Variants in ACOX3 observed in about 807,000 individuals in gnomAD.
The protein encoded by ACOX3 is acyl-CoA oxidase 3, pristanoyl.
ACOX3 carries 73 observed loss-of-function variants against 81.5 expected under a neutral mutation model. That is an observed-to-expected ratio of 0.90 (90% CI 0.74 to 1.09). The LOEUF is 1.09. Ranked by LOEUF, ACOX3 falls within the 50% of genes least tolerant of loss-of-function variation. The pLI is 0.00. For missense variants in ACOX3, 947 were observed against 928.0 expected, an observed-to-expected ratio of 1.02 and a Z score of -0.27; for synonymous variants, 387 against 375.1, an observed-to-expected ratio of 1.03 and a Z score of -0.37.
the ACOX3 span, chr4:8,358,289 T>C: frequency 6.6e-6 from 1 of 152,146 alleles, no homozygotes; most frequent in Admixed American, 6.5e-5. Flanking sequence ...ATAAGAGACA[T>C]GCACATCTAT....
intron 1 of ACOX3, among the ~76,000 whole-genome samples, chr4:8,433,534 T>A (rs1285999701): frequency 6.6e-6 from 1 of 152,232 alleles, no homozygotes; most frequent in African/African-American, 2.4e-5. Flanking sequence ...ATGGAAGCCC[T>A]GGAAAACTAA....
intron 14 of ACOX3, among the ~76,000 whole-genome samples, chr4:8,380,109 T>C (rs1466774875): frequency 6.6e-6 from 1 of 152,078 alleles, no homozygotes; most frequent in African/African-American, 2.4e-5. Flanking sequence ...TTGGTCACCA[T>C]GGCCCTAAAC....
chr4:8,374,021 C>T (rs1313795620), intron 15 of ACOX3: 24 of 167,760 alleles, frequency 1.4e-4, no homozygotes, highest in Non-Finnish European at 2.5e-4. Context: ...GGCGCAGGGG[C>T]GAGGGGGTGC....
intron 6 of ACOX3, among the ~76,000 whole-genome samples, chr4:8,409,272 G>A (rs1721408042): frequency 6.6e-6 from 1 of 152,234 alleles, no homozygotes; most frequent in Admixed American, 6.5e-5. Flanking sequence ...CTGTGGCCAG[G>A]AGCCTTGGCC....
At chr4:8,421,140 G>C (rs761585011) in intron 1 of ACOX3, among the ~76,000 whole-genome samples, 4 of 152,214 alleles carry the variant, frequency 2.6e-5, no homozygotes, top group Admixed American at 6.5e-5. Flanking sequence ...TGCTGGGCTC[G>C]TATGGGGATT....
chr4:8,383,225 G>A (rs1300460197), intron 13 of ACOX3, among the ~76,000 whole-genome samples: 1 of 152,234 alleles, frequency 6.6e-6, no homozygotes, highest in Non-Finnish European at 1.5e-5. Context: ...GCAGGGCACA[G>A]GCAGGGTTGG....
rs188691647 is a variant in ACOX3, at chr4:8,375,002, G to A, written c.1804C>T (p.Arg602Cys). The stretch of plus-strand genomic sequence containing the variant: ...CCTCGGTAGAGCAGGGCCGCGTGGC[G>A]GCTCAGGGACCACAGGGCGTACAGA... The part of the protein sequence containing the change: ...SALYALWSLS[R>C]HAALLYRGGY... The change falls in exon 15 of 18, where the codon CGC becomes TGC. Residue 602 changes from arginine (R) to cysteine (C), a missense_variant. By Grantham distance (180) the Arg-to-Cys change is radical. Transcript: ENST00000356406. The A allele has an allele frequency of 1.3e-4, 192 of 1,534,210 alleles. No homozygotes were observed. In the African/African-American group the frequency reaches 2.3e-3, roughly 18 times the overall value.
intron 1 of ACOX3, among the ~76,000 whole-genome samples, chr4:8,426,168 A>G (rs925230944): frequency 2.6e-5 from 4 of 152,252 alleles, no homozygotes; most frequent in African/African-American, 7.2e-5. Context: ...TTAGCCAAAT[A>G]TCAACAAGTT....
intron 6 of ACOX3, among the ~76,000 whole-genome samples, chr4:8,409,323 T>C (rs1042722917): frequency 1.3e-5 from 2 of 152,156 alleles, no homozygotes; most frequent in African/African-American, 2.4e-5. Flanking sequence ...TTGGGCTGGA[T>C]GTTTCTTTCT....
chr4:8,372,432 C>T (rs1183399592), intron 16 of ACOX3, among the ~76,000 whole-genome samples: 2 of 152,142 alleles, frequency 1.3e-5, no homozygotes, highest in Non-Finnish European at 2.9e-5. Flanking sequence ...CCGCTATGCC[C>T]CCCTCTCTGG....
In ACOX3 at chr4:8,382,791, G is replaced by A. The variant is rs1717839924; in HGVS notation, c.1538-1184C>T. 6.6e-6 allele frequency among the ~76,000 whole-genome samples: 1 copy of A among 152,138 alleles called. No individual in the cohort carries two copies. Among genetic ancestry groups the A allele is most frequent in the African/African-American group, 2.4e-5 (1 of 41,522 alleles). Reference sequence around the variant, plus strand: ...GCGGATCACGAGGTCAGGAGATCGAGACCATCCTGGCTAACACGGTGAAAC... The same window carrying A: ...GCGGATCACGAGGTCAGGAGATCGAAACCATCCTGGCTAACACGGTGAAAC... On this transcript the variant is annotated intron_variant, in intron 13 of 17. Transcript: ENST00000356406. This position sits in a 1 kb window ranked among gnomAD's most constrained non-coding sequence, Gnocchi z 4.1.
intron 15 of ACOX3, 197 bp downstream of exon 15, chr4:8,374,781 C>T (rs1716707384): frequency 1.8e-6 from 1 of 556,650 alleles, no homozygotes; most frequent in Non-Finnish European, 2.8e-6. Context: ...AATTGGGTTT[C>T]TCGGCACCAC....
At position 8,399,654 on chromosome 4, in the gene ACOX3, T is replaced by C. The variant is rs762943030; in HGVS notation, c.777-2A>G. The C allele has an allele frequency of 1.2e-6, 2 of 1,613,724 alleles. No individual in the cohort carries two copies. The highest frequency in any genetic ancestry group is 1.7e-6 in the Non-Finnish European group (2 of 1,179,646). ...CTGACCTTGTGGAACATGGCGAAAC[T>C]GTGGGGAAGCAGCAGGGCTTCTGTT... On this transcript the variant is annotated splice_acceptor_variant, in intron 7 of 17. Transcript: ENST00000356406. LOFTEE classifies it high-confidence loss of function. The surrounding 1 kb of genome is among the most constrained non-coding windows in gnomAD (Gnocchi z 4.9).
chr4:8,365,588 G>C (rs1002909850), downstream of ACOX3, among the ~76,000 whole-genome samples: 2 of 152,212 alleles, frequency 1.3e-5, no homozygotes, highest in Admixed American at 1.3e-4. Flanking sequence ...CCTCTCTGCA[G>C]ATGCAGCAAA....
intron 1 of ACOX3, among the ~76,000 whole-genome samples, chr4:8,429,646 G>T (rs946007708): frequency 9.2e-5 from 14 of 152,190 alleles, no homozygotes; most frequent in Admixed American, 2.0e-4. Context: ...CTTAGCGAAG[G>T]GAGAGTTAAT....
chr4:8,391,317 G>C (rs920240172), intron 11 of ACOX3, among the ~76,000 whole-genome samples: 5 of 152,198 alleles, frequency 3.3e-5, no homozygotes, highest in Admixed American at 6.5e-5. Context: ...TGCTGGAACA[G>C]GTGCGAGTTA....
chr4:8,405,253 G>C lies in ACOX3; in HGVS notation c.776+702C>G, dbSNP rs62286038. 0.027 allele frequency among the ~76,000 whole-genome samples: 4,127 copies of C among 152,292 alleles called. 69 individuals are homozygous for C. Among genetic ancestry groups the C allele is most frequent in the South Asian group, 0.04 (194 of 4,822 alleles). The stretch of plus-strand genomic sequence containing the variant: ...TGCATCCCAGCACAGGCCTGGGCCT[G>C]ACACTTCCCACTGCTTCCTCCACCT... On this transcript the variant is annotated intron_variant, in intron 7 of 17. Transcript: ENST00000356406. This position sits in a 1 kb window ranked among gnomAD's most constrained non-coding sequence, Gnocchi z 7.1.
At chr4:8,374,719 A>G (rs1430550820) in intron 15 of ACOX3, 1 of 378,316 alleles carries the variant, frequency 2.6e-6, no homozygotes, top group Non-Finnish European at 4.7e-6. Flanking sequence ...GCTGCCTGGC[A>G]TGAGGGGGCC....
chr4:8,427,014 G>A (rs1723557022), intron 1 of ACOX3, among the ~76,000 whole-genome samples: 3 of 152,190 alleles, frequency 2.0e-5, no homozygotes, highest in Admixed American at 6.5e-5. Flanking sequence ...CCTGTTGAGA[G>A]GGGGTACTAA....
Sources: gnomAD v4.1 joint callset for allele counts (sites outside exome capture counted in the v4.1 genomes callset) on GRCh38, gnomAD v4.1.1 for gene constraint, Gnocchi (gnomAD v3.1) non-coding constraint, MANE v1.5 for transcripts, NCBI Gene and HGNC (gene_info 2026-07-23, HGNC 2026-07-21) for gene names.